FSTL4: variants seen among roughly 807,000 people sequenced by gnomAD.
FSTL4 encodes follistatin like 4.
A neutral mutation model predicts 78.2 loss-of-function variants in FSTL4; 28 were observed. The ratio of observed to expected loss-of-function variants is 0.36; its 90% CI spans 0.27 to 0.49. The LOEUF is 0.49. FSTL4 is among the 20% of genes least tolerant of loss of function. The probability of loss-of-function intolerance (pLI) is 0.98; values close to 1 mark genes in which losing one functional copy is unlikely to be tolerated. For missense variants in FSTL4, 922 were observed against 1,084.9 expected, an observed-to-expected ratio of 0.85 and a Z score of 2.11; for synonymous variants, 422 against 440.5, an observed-to-expected ratio of 0.96 and a Z score of 0.53.
intron 3 of FSTL4, among the ~76,000 whole-genome samples, chr5:133,479,497 A>G (rs912472801): frequency 6.6e-6 from 1 of 152,262 alleles, no homozygotes; most frequent in African/African-American, 2.4e-5. Flanking sequence ...AATGTGGCAC[A>G]TGTGATGGAA....
chr5:133,306,790 C>T (rs1332911370), intron 6 of FSTL4, among the ~76,000 whole-genome samples: 3 of 152,176 alleles, frequency 2.0e-5, no homozygotes, highest in Non-Finnish European at 4.4e-5. Context: ...GGGTGCCATA[C>T]CCCATGCTGA....
At chr5:133,796,325 C>T in the FSTL4 span, among the ~76,000 whole-genome samples, 2 of 152,164 alleles carry the variant, frequency 1.3e-5, no homozygotes, top group African/African-American at 4.8e-5. Flanking sequence ...TTGCTGTCTG[C>T]GGACAGCTTG....
At position 133,429,963 on chromosome 5, in the gene FSTL4, A is replaced by G. The variant is rs1756901536; in HGVS notation, c.161-28977T>C. Among the ~76,000 whole-genome samples, 3 of 152,186 alleles carry G rather than the reference A, an allele frequency of 2.0e-5. No homozygotes were observed. The South Asian group carries it at 6.2e-4, about 31-fold the overall frequency. ...TTGATTAATGGGCAAATCATTGGTA[A>G]TAGACACACACTGCATACTATGAGT... On this transcript the variant is annotated intron_variant, in intron 3 of 15. Transcript: ENST00000265342.
the FSTL4 span, among the ~76,000 whole-genome samples, chr5:133,712,084 T>C: frequency 0.83 from 127,005 of 152,164 alleles, 53,508 homozygotes; most frequent in African/African-American, 0.96. Flanking sequence ...CAAGGGGCTA[T>C]GTGACAACCA....
At chr5:133,368,360 G>GTGC (rs1338133784) in intron 4 of FSTL4, among the ~76,000 whole-genome samples, 1 of 152,358 alleles carries the variant, frequency 6.6e-6, no homozygotes, top group Admixed American at 6.5e-5. Flanking sequence ...TCACACACCA[G>GTGC]TGCTGTCTGC....
chr5:133,331,425 T>C (rs1754343708), intron 4 of FSTL4, among the ~76,000 whole-genome samples: 2 of 152,134 alleles, frequency 1.3e-5, no homozygotes, highest in African/African-American at 2.4e-5. Context: ...TGCAAATCAA[T>C]GCCATTGAAC....
intron 4 of FSTL4, among the ~76,000 whole-genome samples, chr5:133,317,699 G>A (rs1410009217): frequency 1.3e-5 from 2 of 152,266 alleles, no homozygotes; most frequent in African/African-American, 4.8e-5. Flanking sequence ...CATCAGGCAT[G>A]TAGCCTTGGG....
At chr5:133,764,122 T>C in the FSTL4 span, among the ~76,000 whole-genome samples, 8 of 152,236 alleles carry the variant, frequency 5.3e-5, no homozygotes, top group African/African-American at 1.9e-4. Flanking sequence ...TTTACTTTGC[T>C]TATTGCTTTG....
In FSTL4 at chr5:133,236,869, C is replaced by T. The variant is rs561034805; in HGVS notation, c.895-3332G>A. Among the ~76,000 whole-genome samples, 5 of 152,298 alleles carry T rather than the reference C, an allele frequency of 3.3e-5. No individual in the cohort carries two copies. The highest frequency in any genetic ancestry group is 3.9e-4 in the East Asian group (2 of 5,188). On this transcript the variant is annotated intron_variant, in intron 7 of 15. Coordinates refer to ENST00000265342, the MANE Select transcript of FSTL4 (RefSeq NM_015082.2). The surrounding 1 kb of genome is among the most constrained non-coding windows in gnomAD (Gnocchi z 5.0). ...GCCTCCTGTGGACGCACTGCTGTGC[C>T]GCCTGCTGCTTTCTGTACTTACCTT...
chr5:133,756,210 G>A, the FSTL4 span, among the ~76,000 whole-genome samples: 2 of 151,994 alleles, frequency 1.3e-5, no homozygotes, highest in African/African-American at 2.4e-5. Flanking sequence ...AAGGCATTTC[G>A]GGCAGGAGGA....
chr5:133,685,375 G>A, the FSTL4 span, among the ~76,000 whole-genome samples: 7 of 152,298 alleles, frequency 4.6e-5, no homozygotes, highest in East Asian at 3.9e-4. Flanking sequence ...GGCCAGCTGC[G>A]TTGGGAAAGG....
intron 14 of FSTL4, among the ~76,000 whole-genome samples, chr5:133,208,558 TCTG>T (rs1483447822): frequency 6.6e-6 from 1 of 152,242 alleles, no homozygotes; most frequent in Non-Finnish European, 1.5e-5. Context: ...TTTCTAAACT[TCTG>T]TTCTTCCCAC....
At chr5:133,235,501 A>G (rs1258948825) in intron 7 of FSTL4, among the ~76,000 whole-genome samples, 1 of 123,290 alleles carries the variant, frequency 8.1e-6, no homozygotes, top group East Asian at 2.0e-4. Flanking sequence ...CCCACCTCCA[A>G]AAAAAAAAAA....
intron 6 of FSTL4, among the ~76,000 whole-genome samples, chr5:133,253,978 T>A (rs186858098): frequency 6.6e-6 from 1 of 152,184 alleles, no homozygotes; most frequent in Non-Finnish European, 1.5e-5. Context: ...ACCTCCAAGA[T>A]GACCTCATGG....
chr5:133,544,320 A>T (rs1470698946), intron 3 of FSTL4, among the ~76,000 whole-genome samples: 3 of 150,790 alleles, frequency 2.0e-5, no homozygotes, highest in East Asian at 3.9e-4. Flanking sequence ...AAAATCTTTT[A>T]TTTTTTTTTC....
the FSTL4 span, among the ~76,000 whole-genome samples, chr5:133,770,295 A>C: frequency 6.6e-6 from 1 of 152,160 alleles, no homozygotes; most frequent in Admixed American, 6.5e-5. Flanking sequence ...TCTTTAAGAA[A>C]TCTCCATATT....
chr5:133,826,527 G>A, the FSTL4 span, among the ~76,000 whole-genome samples: 8 of 152,068 alleles, frequency 5.3e-5, no homozygotes, highest in South Asian at 2.1e-4. Context: ...ACTTGTGGCC[G>A]CATCACTCCA....
At chr5:133,204,411 A>AAAC (rs758200889) in intron 14 of FSTL4, among the ~76,000 whole-genome samples, 25 of 152,354 alleles carry the variant, frequency 1.6e-4, no homozygotes, top group Middle Eastern at 3.4e-3. Flanking sequence ...TTGCAAATAC[A>AAAC]AACAATGCAG....
intron 4 of FSTL4, among the ~76,000 whole-genome samples, chr5:133,393,109 C>A (rs1358943432): frequency 6.6e-6 from 1 of 152,206 alleles, no homozygotes; most frequent in African/African-American, 2.4e-5. Context: ...GACAACTGAG[C>A]TCCCAGGGAT....
Sources: gnomAD v4.1 joint callset for allele counts (sites outside exome capture counted in the v4.1 genomes callset) on GRCh38, gnomAD v4.1.1 for gene constraint, Gnocchi (gnomAD v3.1) non-coding constraint, MANE v1.5 for transcripts, NCBI Gene and HGNC (gene_info 2026-07-23, HGNC 2026-07-21) for gene names.